Variants in ADAM9 observed in about 807,000 individuals in gnomAD.
The protein encoded by ADAM9 is ADAM metallopeptidase domain 9.
Under a neutral mutation model 108.1 loss-of-function variants are expected in ADAM9, and 54 were observed. The observed-to-expected ratio is 0.50, with a 90% CI of 0.40 to 0.63. The LOEUF is 0.63. Ranked by LOEUF, ADAM9 falls within the 20% of genes least tolerant of loss-of-function variation. The pLI is 0.00. For missense variants in ADAM9, 830 were observed against 997.7 expected (o/e 0.83, Z 2.26); for synonymous variants, 316 against 336.0 (o/e 0.94, Z 0.65).
chr8:39,006,042 G>A (rs751374775), intron 1 of ADAM9, among the ~76,000 whole-genome samples: 1 of 152,204 alleles, frequency 6.6e-6, no homozygotes, highest in Non-Finnish European at 1.5e-5. Flanking sequence ...ACCTGGGACT[G>A]TAGATAGTGA....
At chr8:39,062,613 A>G (rs67200247) in intron 14 of ADAM9, among the ~76,000 whole-genome samples, 62,452 of 151,968 alleles carry the variant, frequency 0.41, 13,617 homozygotes, top group East Asian at 0.73. Flanking sequence ...TTGGCTCTCC[A>G]TTATGCCCAC....
At chr8:39,069,136 A>G (rs1333212267) in intron 14 of ADAM9, among the ~76,000 whole-genome samples, 2 of 152,040 alleles carry the variant, frequency 1.3e-5, no homozygotes, top group African/African-American at 4.8e-5. Context: ...CCACTTTAAG[A>G]TTCAGTTTTC....
In ADAM9 at chr8:39,017,235, G is replaced by C. The variant is rs1390271776; in HGVS notation, c.427G>C (p.Glu143Gln). Residue 143 changes from glutamate (E) to glutamine (Q), a missense_variant, in exon 6 of 22, where the codon GAG becomes CAG. Glu to Gln is a conservative substitution (Grantham distance 29, BLOSUM62 2). Transcript: ENST00000487273. ...AACATTCAGAGGATTGCTGCATTTA[G>C]AGAATGCGAGTTATGGGATTGAACC... ...CFGLRGLLHL[E>Q]NASYGIEPLQ... is the part of the protein sequence containing the mutation. The C allele has an allele frequency of 1.2e-6, 2 of 1,613,998 alleles. No homozygotes were observed. The highest frequency in any genetic ancestry group is 2.7e-5 in the African/African-American group (2 of 74,912).
chr8:39,055,828 A>G, intron 14 of ADAM9, 56 bp downstream of exon 14: 11 of 1,517,518 alleles, frequency 7.2e-6, no homozygotes, highest in Non-Finnish European at 9.0e-6. Context: ...TTTGATTTAG[A>G]TATTTTAAAA....
chr8:39,036,602 A>C (rs1172347401), intron 11 of ADAM9, among the ~76,000 whole-genome samples: 4 of 152,176 alleles, frequency 2.6e-5, no homozygotes, highest in Non-Finnish European at 4.4e-5. Context: ...AATATTGTAG[A>C]GTCTAGAGGT....
chr8:39,029,745 C>T (rs768051116), intron 11 of ADAM9, among the ~76,000 whole-genome samples: 1 of 152,048 alleles, frequency 6.6e-6, no homozygotes, highest in Non-Finnish European at 1.5e-5. Context: ...GTCGGAGGGC[C>T]TGATGTTTCT....
intron 2 of ADAM9, 105 bp downstream of exon 2, chr8:39,008,088 TG>T (rs1037984707): frequency 1.2e-6 from 1 of 834,676 alleles, no homozygotes; most frequent in Non-Finnish European, 2.0e-6. Context: ...AGTTATTACT[TG>T]GCTGTTACTT....
intron 14 of ADAM9, among the ~76,000 whole-genome samples, chr8:39,069,979 T>TAA (rs869079193): frequency 8.5e-6 from 1 of 117,336 alleles, no homozygotes; most frequent in African/African-American, 3.3e-5. Flanking sequence ...CTTGTCTCAC[T>TAA]AAAAAAAAAA....
intron 20 of ADAM9, among the ~76,000 whole-genome samples, chr8:39,092,037 A>G (rs143083524): frequency 8.4e-4 from 128 of 152,276 alleles, no homozygotes; most frequent in African/African-American, 3.0e-3. Context: ...TGTAGGACTG[A>G]TAGTCACTGT....
intron 12 of ADAM9, among the ~76,000 whole-genome samples, chr8:39,045,074 GTGTGTGTGCATACATACA>G (rs1564296813): frequency 0.34 from 8,652 of 25,550 alleles, 1,636 homozygotes; most frequent in Middle Eastern, 0.44. Flanking sequence ...ACATACATAT[GTGTGTGTGCATACATACA>G]TATGTGTGTG....
Position 39,016,940 on chromosome 8 carries a change from C to T in ADAM9, c.411-279C>T. On this transcript the variant is annotated intron_variant, in intron 5 of 21. Transcript: ENST00000487273. ...AGACTCTTGTCCTCTGGTCCGGATG[C>T]CACATTCTTAGCCACTATTTTGTAG... 3 of 432,644 alleles carry T rather than the reference C, an allele frequency of 6.9e-6. No individual in the cohort carries two copies. The South Asian group carries it at 7.1e-5, about 10-fold the overall frequency. 26.8% of individuals were successfully genotyped at this position (432,644 alleles called of 1,614,324 possible).
Position 39,090,168 on chromosome 8 carries a change from G to C in ADAM9, c.2190G>C (p.Lys730Asn), listed in dbSNP as rs753865631. 7 of 1,613,704 alleles carry C rather than the reference G, an allele frequency of 4.3e-6. No individual in the cohort carries two copies. The Admixed American group carries it at 8.3e-5, about 19-fold the overall frequency. ...RDQLWRSYFR[K>N]KRSQTYESDG... ...AACTGTGGAGAAGCTACTTCAGAAA[G>C]AAGAGATCACAAACATATGAGTACT... The change falls in exon 19 of 22, where the codon AAG becomes AAC. Residue 730 changes from lysine to asparagine, a missense_variant. Physicochemically the swap from Lys to Asn is moderately conservative, Grantham distance 94 (BLOSUM62 0). Coordinates refer to ENST00000487273, the MANE Select transcript of ADAM9 (RefSeq NM_003816.3).
intron 12 of ADAM9, among the ~76,000 whole-genome samples, chr8:39,049,876 G>C (rs751220373): frequency 2.0e-5 from 3 of 152,028 alleles, no homozygotes; most frequent in Non-Finnish European, 4.4e-5. Flanking sequence ...ACTTTCTTAT[G>C]CTCCTGTGTT....
rs141802746 is a variant in ADAM9, at chr8:39,016,286, C to G, written c.410+92C>G. 421 of 1,186,418 alleles carry G rather than the reference C, an allele frequency of 3.5e-4. 2 individuals are homozygous for G. In the African/African-American group the frequency reaches 5.7e-3, roughly 16 times the overall value. 73.5% of individuals were successfully genotyped at this position (1,186,418 alleles called of 1,614,324 possible). On this transcript the variant is annotated intron_variant, in intron 5 of 21. Coordinates refer to ENST00000487273, the MANE Select transcript of ADAM9 (RefSeq NM_003816.3). ...TCTCCAAATTAAATCATTTTGGGCA[C>G]TTAGCAAAATTGGAATTTACTTTGA... is the stretch of plus-strand genomic sequence containing the variant.
intron 14 of ADAM9, among the ~76,000 whole-genome samples, chr8:39,066,115 T>G (rs147972175): frequency 6.6e-6 from 1 of 152,180 alleles, no homozygotes; most frequent in Non-Finnish European, 1.5e-5. Context: ...TATTCCATGG[T>G]GTCTATGTGC....
chr8:39,045,078 G>GTATATA lies in ADAM9; in HGVS notation c.1302+2962_1302+2963insATATAT, dbSNP rs1248090285. On this transcript the variant is annotated intron_variant, in intron 12 of 21. Coordinates refer to ENST00000487273, the MANE Select transcript of ADAM9 (RefSeq NM_003816.3). The stretch of plus-strand genomic sequence containing the variant: ...TGTGTGTGCATACATACATATGTGT[G>GTATATA]TGTGCATACATACATATGTGTGTGT... Among the ~76,000 whole-genome samples the GTATATA allele has an allele frequency of 1.5e-3, 35 of 23,078 alleles. 5 individuals are homozygous for GTATATA. In the East Asian group the frequency reaches 0.082, roughly 54 times the overall value. The allele number at this position is 23,078 out of a possible 152,430, so 15.1% of individuals were successfully genotyped here.
At chr8:39,094,721 G>A (rs1044500672) in intron 20 of ADAM9, among the ~76,000 whole-genome samples, 6 of 151,972 alleles carry the variant, frequency 3.9e-5, no homozygotes, top group African/African-American at 1.2e-4. Flanking sequence ...GTTCATAGCA[G>A]TCTCTTATAA....
chr8:39,022,358 G>T (rs1479789668), intron 8 of ADAM9, among the ~76,000 whole-genome samples: 1 of 152,054 alleles, frequency 6.6e-6, no homozygotes, highest in Non-Finnish European at 1.5e-5. Flanking sequence ...GAGTTCCACA[G>T]TCCTTTATCT....
At chr8:39,010,263 G>A (rs530455004) in intron 2 of ADAM9, among the ~76,000 whole-genome samples, 8 of 152,290 alleles carry the variant, frequency 5.3e-5, no homozygotes, top group East Asian at 1.9e-4. Flanking sequence ...ATTACATCAC[G>A]TGATTATCTA....
Sources: allele counts gnomAD v4.1 joint callset (sites outside exome capture counted in the v4.1 genomes callset), GRCh38; gene constraint gnomAD v4.1.1; transcripts MANE v1.5; gene names NCBI Gene and HGNC (gene_info 2026-07-23, HGNC 2026-07-21).